Variants in AK5 observed in about 807,000 individuals in gnomAD.
AK5 encodes adenylate kinase isoenzyme 5.
AK5 carries 27 observed loss-of-function variants against 69.5 expected under a neutral mutation model. The observed-to-expected ratio is 0.39, with a 90% CI of 0.29 to 0.54. The LOEUF is 0.54. Among genes scored for constraint, AK5 ranks in the 20% least tolerant of loss-of-function variants. AK5 has a pLI of 0.71. For missense variants in AK5, 531 were observed against 700.4 expected, an observed-to-expected ratio of 0.76 and a Z score of 2.73; for synonymous variants, 260 against 244.4, an observed-to-expected ratio of 1.06 and a Z score of -0.60.
chr1:77,540,026 C>T (rs1296846936), intron 13 of AK5, among the ~76,000 whole-genome samples: 1 of 152,218 alleles, frequency 6.6e-6, no homozygotes, highest in East Asian at 1.9e-4. Flanking sequence ...CAAGCACCGC[C>T]CTCAGGCCTC....
At chr1:77,299,032 CAT>C (rs1553128702) in intron 5 of AK5, among the ~76,000 whole-genome samples, 1 of 152,128 alleles carries the variant, frequency 6.6e-6, no homozygotes, top group Non-Finnish European at 1.5e-5. Context: ...TGTATGGACA[CAT>C]GTGCACATGC....
intron 5 of AK5, among the ~76,000 whole-genome samples, chr1:77,325,916 A>G (rs1190615080): frequency 2.0e-5 from 3 of 152,164 alleles, no homozygotes; most frequent in Non-Finnish European, 4.4e-5. Context: ...ATAGTGAGCT[A>G]GTTTAACCTG....
chr1:77,382,880 C>T (rs1175644545), intron 6 of AK5, among the ~76,000 whole-genome samples: 2 of 152,188 alleles, frequency 1.3e-5, no homozygotes, highest in East Asian at 3.8e-4. Flanking sequence ...CTTGAGACAC[C>T]TTTCATCTTG....
At chr1:77,371,347 G>A (rs1333068721) in intron 6 of AK5, 1 of 152,164 alleles carries the variant, frequency 6.6e-6, no homozygotes, top group East Asian at 1.9e-4. Context: ...GAGGACGAAG[G>A]GGCTCAATAT....
At chr1:77,499,780 G>A (rs1270405412) in intron 10 of AK5, among the ~76,000 whole-genome samples, 1 of 151,250 alleles carries the variant, frequency 6.6e-6, no homozygotes, top group Non-Finnish European at 1.5e-5. Context: ...CTCTTCAGAG[G>A]ACGATTTGCT....
chr1:77,331,141 A>G (rs1021539650), intron 5 of AK5, among the ~76,000 whole-genome samples: 1 of 152,064 alleles, frequency 6.6e-6, no homozygotes, highest in Non-Finnish European at 1.5e-5. Context: ...TCATTTTTAT[A>G]TATACAATCA....
intron 8 of AK5, among the ~76,000 whole-genome samples, chr1:77,441,930 G>A (rs1652353910): frequency 6.6e-6 from 1 of 152,080 alleles, no homozygotes; most frequent in African/African-American, 2.4e-5. Flanking sequence ...TGACTCTGAG[G>A]TACCCCCTAG....
At chr1:77,479,484 G>A (rs1434411557) in intron 8 of AK5, among the ~76,000 whole-genome samples, 3 of 152,142 alleles carry the variant, frequency 2.0e-5, no homozygotes, top group Non-Finnish European at 4.4e-5. Flanking sequence ...GGGATTACAG[G>A]CGTGAGCCAC....
rs535815157 is a variant in AK5 at position 77,304,147 on chromosome 1, C to G, written c.699+6200C>G. 1.2e-4 allele frequency among the ~76,000 whole-genome samples: 19 copies of G among 152,252 alleles called. No individual in the cohort carries two copies. The South Asian group carries it at 3.9e-3, about 32-fold the overall frequency. ...CATTAACCATCTCTGCCTCCACCCC[C>G]CGACACATCCGCAACCCCTTATTAC... On this transcript the variant is annotated intron_variant, in intron 5 of 13. Coordinates refer to ENST00000354567, the MANE Select transcript of AK5 (RefSeq NM_174858.3).
intron 10 of AK5, among the ~76,000 whole-genome samples, chr1:77,499,869 CATTTTTTTTTT>C (rs1284115846): frequency 3.8e-5 from 3 of 78,776 alleles, no homozygotes; most frequent in African/African-American, 9.1e-5. Flanking sequence ...GCCCTTTTTC[CATTTTTTTTTT>C]TTTTTTTTTT....
intron 6 of AK5, among the ~76,000 whole-genome samples, chr1:77,368,253 A>ATATATGTTATATATATTATATATAT (rs1553140304): frequency 2.6e-5 from 1 of 38,668 alleles, no homozygotes; most frequent in Non-Finnish European, 7.0e-5. Context: ...ATATATATAT[A>ATATATGTTATATATATTATATATAT]ATATATATGT....
intron 13 of AK5, among the ~76,000 whole-genome samples, chr1:77,545,596 G>A (rs1269219995): frequency 6.6e-6 from 1 of 152,134 alleles, no homozygotes; most frequent in Non-Finnish European, 1.5e-5. Context: ...TTAAGCAAAG[G>A]CTGATTTTTT....
At chr1:77,448,537 G>T (rs1213157003) in intron 8 of AK5, among the ~76,000 whole-genome samples, 2 of 152,160 alleles carry the variant, frequency 1.3e-5, no homozygotes, top group African/African-American at 2.4e-5. Context: ...CCCACTTCAG[G>T]TCTCCTGAGA....
intron 13 of AK5, among the ~76,000 whole-genome samples, chr1:77,557,507 G>A (rs893928019): frequency 2.6e-5 from 4 of 152,058 alleles, no homozygotes; most frequent in African/African-American, 7.2e-5. Flanking sequence ...CGTTAGGAGA[G>A]GAGAAGGGGC....
chr1:77,513,647 C>G (rs1258282792), intron 10 of AK5, among the ~76,000 whole-genome samples: 1 of 152,228 alleles, frequency 6.6e-6, no homozygotes, highest in East Asian at 1.9e-4. Flanking sequence ...CGAGACCAGC[C>G]TGGTCAACGT....
intron 8 of AK5, among the ~76,000 whole-genome samples, chr1:77,435,232 A>G (rs149040358): frequency 6.6e-6 from 1 of 152,314 alleles, no homozygotes; most frequent in Non-Finnish European, 1.5e-5. Context: ...ATACAGCAAA[A>G]ATTGTACTTC....
At chr1:77,306,310 A>T (rs961490232) in intron 5 of AK5, among the ~76,000 whole-genome samples, 1 of 152,106 alleles carries the variant, frequency 6.6e-6, no homozygotes, top group Admixed American at 6.5e-5. Context: ...ATTTTATCAA[A>T]TGCTTTTCAG....
At chr1:77,391,980 A>G (rs757918430) in intron 6 of AK5, among the ~76,000 whole-genome samples, 5 of 152,224 alleles carry the variant, frequency 3.3e-5, no homozygotes, top group Non-Finnish European at 7.3e-5. Context: ...TCCTCGTTCT[A>G]CAACAAATGG....
At chr1:77,367,535 C>G in intron 6 of AK5, among the ~76,000 whole-genome samples, 1 of 72,120 alleles carries the variant, frequency 1.4e-5, no homozygotes, top group Non-Finnish European at 2.6e-5. Flanking sequence ...CCCTATGTTG[C>G]CCAGACTCAT....
Sources: allele counts gnomAD v4.1 joint callset (sites outside exome capture counted in the v4.1 genomes callset), GRCh38; gene constraint gnomAD v4.1.1; transcripts MANE v1.5; gene names NCBI Gene and HGNC (gene_info 2026-07-23, HGNC 2026-07-21).